Variants in CLASP2 observed in about 807,000 individuals in gnomAD.
CLASP2 encodes the protein CLIP-associating protein 2.
Under a neutral mutation model 194.4 loss-of-function variants are expected in CLASP2, and 47 were observed. The ratio of observed to expected loss-of-function variants is 0.24; its 90% CI spans 0.19 to 0.31. The LOEUF is 0.31. Among genes scored for constraint, CLASP2 ranks in the 10% least tolerant of loss-of-function variants. CLASP2 has a pLI of 1.00. For synonymous variants in CLASP2, 619 were observed against 633.5 expected (o/e 0.98, Z 0.34); for missense variants, 1,445 against 1,823.6 (o/e 0.79, Z 3.78).
intron 1 of CLASP2, among the ~76,000 whole-genome samples, chr3:33,712,281 C>T (rs975205871): frequency 6.6e-6 from 1 of 152,068 alleles, no homozygotes; most frequent in Admixed American, 6.5e-5. Flanking sequence ...TATGTTCTCA[C>T]TTATAAGTTA....
At chr3:33,708,738 G>T (rs1320091690) in intron 1 of CLASP2, among the ~76,000 whole-genome samples, 1 of 151,858 alleles carries the variant, frequency 6.6e-6, no homozygotes, top group Non-Finnish European at 1.5e-5. Context: ...TGGAGCACAT[G>T]GTAGTTCTAT....
At chr3:33,712,042 T>C (rs1200432080) in intron 1 of CLASP2, among the ~76,000 whole-genome samples, 1 of 152,184 alleles carries the variant, frequency 6.6e-6, no homozygotes. Flanking sequence ...GAAGTCATTA[T>C]ATAAAAAAGA....
chr3:33,645,423 A>T, intron 7 of CLASP2: 1 of 740,356 alleles, frequency 1.4e-6, no homozygotes, highest in Non-Finnish European at 2.5e-6. Flanking sequence ...AAAAAGACAG[A>T]AACAACCACA....
At chr3:33,607,262 CTT>C (rs746615643) in intron 15 of CLASP2, 120 bp downstream of exon 15, 2 of 629,852 alleles carry the variant, frequency 3.2e-6, no homozygotes, top group South Asian at 2.7e-5. Context: ...AAAAAACAAT[CTT>C]AATTTTACTG....
At chr3:33,595,904 A>G (rs1270726086) in intron 19 of CLASP2, among the ~76,000 whole-genome samples, 1 of 152,070 alleles carries the variant, frequency 6.6e-6, no homozygotes, top group Non-Finnish European at 1.5e-5. Flanking sequence ...GGTTTAATAA[A>G]TGTTCTATCT....
Position 33,581,938 on chromosome 3 carries a change from A to C in CLASP2, c.2240-10T>G. On this transcript the variant is annotated splice_polypyrimidine_tract_variant and intron_variant, in intron 22 of 38. Transcript: ENST00000682230. ...ATACGACTGCTTCGGGCTGGTGTGA[A>C]GCAACAGCAGCACACACAGTAAGGG... The C allele has an allele frequency of 1.3e-6, 2 of 1,567,176 alleles. No individual in the cohort carries two copies. The highest frequency in any genetic ancestry group is 1.8e-6 in the Non-Finnish European group (2 of 1,137,968).
intron 38 of CLASP2, among the ~76,000 whole-genome samples, chr3:33,499,510 T>C (rs1458812468): frequency 6.6e-6 from 1 of 152,012 alleles, no homozygotes; most frequent in African/African-American, 2.4e-5. Flanking sequence ...TCACCATGCC[T>C]GGCTAATTTT....
At chr3:33,658,444 C>A (rs2084690652) in intron 7 of CLASP2, among the ~76,000 whole-genome samples, 1 of 152,168 alleles carries the variant, frequency 6.6e-6, no homozygotes, top group Non-Finnish European at 1.5e-5. Context: ...TGTGCATAAT[C>A]TTAAAAGGCT....
At chr3:33,684,598 A>G (rs895802701) in intron 5 of CLASP2, 142 bp from the exon 6 acceptor site, 4 of 439,778 alleles carry the variant, frequency 9.1e-6, no homozygotes, top group Non-Finnish European at 1.6e-5. Context: ...TGTCATCAGT[A>G]AAAAAACAAG....
intron 6 of CLASP2, among the ~76,000 whole-genome samples, chr3:33,674,007 C>T (rs1276471487): frequency 2.0e-5 from 3 of 152,094 alleles, no homozygotes; most frequent in Admixed American, 6.5e-5. Flanking sequence ...GACTTTAACA[C>T]CCCACTGTCA....
chr3:33,514,859 G>GCA (rs1488530189), intron 36 of CLASP2, among the ~76,000 whole-genome samples: 3 of 151,470 alleles, frequency 2.0e-5, no homozygotes, highest in African/African-American at 7.3e-5. Flanking sequence ...GTGTATATAC[G>GCA]CACACACACA....
At chr3:33,695,018 T>C (rs1291107468) in intron 2 of CLASP2, among the ~76,000 whole-genome samples, 1 of 147,514 alleles carries the variant, frequency 6.8e-6, no homozygotes, top group African/African-American at 2.5e-5. Context: ...AAACAAAACA[T>C]AAACAAGTAA....
At chr3:33,627,883 A>T (rs978285076) in intron 9 of CLASP2, among the ~76,000 whole-genome samples, 1 of 152,154 alleles carries the variant, frequency 6.6e-6, no homozygotes, top group African/African-American at 2.4e-5. Context: ...GAGAGTTAAT[A>T]GCATGTGCAA....
intron 6 of CLASP2, among the ~76,000 whole-genome samples, chr3:33,665,668 T>A (rs1206412962): frequency 1.3e-5 from 2 of 152,230 alleles, no homozygotes; most frequent in Non-Finnish European, 2.9e-5. Context: ...CAAAATTTTA[T>A]AAAGGATAAG....
intron 32 of CLASP2, 138 bp downstream of exon 32, chr3:33,543,295 C>T (rs2058664663): frequency 8.4e-6 from 5 of 595,282 alleles, no homozygotes; most frequent in Non-Finnish European, 1.5e-5. Flanking sequence ...ACTGCTTGAA[C>T]CTGGGAGGTA....
chr3:33,543,232 G>A lies in CLASP2; in HGVS notation c.3404+201C>T, dbSNP rs376628854. Among the ~76,000 whole-genome samples the A allele has an allele frequency of 5.3e-5, 8 of 152,294 alleles. No homozygotes were observed. In the East Asian group the frequency reaches 1.5e-3, roughly 29 times the overall value. ...TAGCAAAAATACAAAAATCAGCGGG[G>A]TGTGGTGGCATGCACCTGTAAGCCC... On this transcript the variant is annotated intron_variant, in intron 32 of 38. Coordinates refer to ENST00000682230, the MANE Select transcript of CLASP2 (RefSeq NM_001365631.1).
At chr3:33,712,990 C>T (rs932544594) in intron 1 of CLASP2, among the ~76,000 whole-genome samples, 4 of 115,444 alleles carry the variant, frequency 3.5e-5, no homozygotes, top group East Asian at 2.5e-4. Flanking sequence ...CCAGCCTGGG[C>T]GACAAGAGCA....
chr3:33,543,821 T>C (rs2058742476), intron 31 of CLASP2, among the ~76,000 whole-genome samples: 1 of 152,194 alleles, frequency 6.6e-6, no homozygotes, highest in Admixed American at 6.5e-5. Context: ...TAAATTAGCT[T>C]CCTGTTCTGA....
chr3:33,602,362 T>A (rs1052502346), intron 18 of CLASP2: 2 of 594,654 alleles, frequency 3.4e-6, no homozygotes, highest in Non-Finnish European at 3.0e-6. Flanking sequence ...ATGCTCAACC[T>A]GTATTGTGTT....
Sources: gnomAD v4.1 joint callset for allele counts (sites outside exome capture counted in the v4.1 genomes callset) on GRCh38, gnomAD v4.1.1 for gene constraint, MANE v1.5 for transcripts, NCBI Gene and HGNC (gene_info 2026-07-23, HGNC 2026-07-21) for gene names.